The following POLK variants were observed in gnomAD, a reference collection of about 807,000 sequenced individuals.
The protein encoded by POLK is polymerase (DNA directed) kappa.
Under a neutral mutation model 94.0 loss-of-function variants are expected in POLK, and 76 were observed. That is an observed-to-expected ratio of 0.81 (90% CI 0.67 to 0.98). The LOEUF (loss-of-function observed/expected upper bound fraction) is 0.98. POLK is among the 50% of genes least tolerant of loss of function. POLK has a pLI of 0.00. For missense variants in POLK, 954 were observed against 1,010.1 expected, an observed-to-expected ratio of 0.94 and a Z score of 0.75; for synonymous variants, 349 against 325.4, an observed-to-expected ratio of 1.07 and a Z score of -0.78.
At position 75,511,921 on chromosome 5, in the gene POLK, A is replaced by T. The variant is rs1218853270; in HGVS notation, c.-14+7A>T. 20 of 1,200,138 alleles carry T rather than the reference A, an allele frequency of 1.7e-5. No individual in the cohort carries two copies. Among genetic ancestry groups the T allele is most frequent in the Non-Finnish European group, 2.3e-5 (20 of 859,722 alleles). The allele number at this position is 1,200,138 out of a possible 1,614,324, so 74.3% of individuals were successfully genotyped here. A position where few individuals can be genotyped will look rare whatever the true frequency, so the allele number is the denominator to read the frequency against. On this transcript the variant is annotated splice_region_variant and intron_variant, in intron 1 of 14. Coordinates refer to ENST00000241436, the Ensembl canonical transcript of POLK. Reference sequence around the variant, plus strand: ...CGCGATCCTGAGGTAACGGGTGAGTATCCCGCGCGGGGATCGCTTGTCCCC... The same window carrying T: ...CGCGATCCTGAGGTAACGGGTGAGTTTCCCGCGCGGGGATCGCTTGTCCCC...
chr5:75,530,810 C>CTT (rs1166307868), intron 1 of POLK, among the ~76,000 whole-genome samples: 4 of 133,812 alleles, frequency 3.0e-5, no homozygotes, highest in Admixed American at 1.5e-4. Flanking sequence ...CTTTTCTTTT[C>CTT]TTTTTTTTTT....
chr5:75,537,843 T>A (rs1769526162), intron 1 of POLK, among the ~76,000 whole-genome samples: 1 of 152,102 alleles, frequency 6.6e-6, no homozygotes, highest in African/African-American at 2.4e-5. Context: ...TTGTTTTTTT[T>A]ATTTTTTTAT....
At chr5:75,568,175 A>C (rs559112505) in intron 3 of POLK, among the ~76,000 whole-genome samples, 26 of 152,282 alleles carry the variant, frequency 1.7e-4, no homozygotes, top group Admixed American at 1.6e-3. Flanking sequence ...TTTTTCTCTC[A>C]GTTTTTAATG....
chr5:75,572,327 C>G (rs892397166), intron 4 of POLK, among the ~76,000 whole-genome samples: 1 of 152,074 alleles, frequency 6.6e-6, no homozygotes, highest in African/African-American at 2.4e-5. Context: ...AATTTCTAAA[C>G]TTATTTTAAG....
downstream of POLK, among the ~76,000 whole-genome samples, chr5:75,604,127 A>T (rs1023422493): frequency 1.3e-5 from 2 of 152,256 alleles, no homozygotes; most frequent in African/African-American, 4.8e-5. Context: ...CTGGGAAGAC[A>T]GAATGGTGGC....
At chr5:75,532,115 CA>C (rs1769210875) in intron 1 of POLK, among the ~76,000 whole-genome samples, 1 of 152,134 alleles carries the variant, frequency 6.6e-6, no homozygotes, top group Non-Finnish European at 1.5e-5. Flanking sequence ...ATTTTAGGTT[CA>C]GGGGTACATG....
intron 1 of POLK, among the ~76,000 whole-genome samples, chr5:75,522,066 A>T (rs914143867): frequency 6.6e-6 from 1 of 152,240 alleles, no homozygotes; most frequent in Non-Finnish European, 1.5e-5. Context: ...TGCCTTCCCC[A>T]TCTGTCTCTG....
At chr5:75,514,948 T>G (rs1403417999) in intron 1 of POLK, among the ~76,000 whole-genome samples, 3 of 152,226 alleles carry the variant, frequency 2.0e-5, no homozygotes, top group African/African-American at 7.2e-5. Flanking sequence ...CCAGATAGAT[T>G]ACATTCTAGG....
At chr5:75,565,159 G>A (rs1042044263) in intron 3 of POLK, among the ~76,000 whole-genome samples, 3 of 151,622 alleles carry the variant, frequency 2.0e-5, no homozygotes, top group East Asian at 1.9e-4. Flanking sequence ...CCTTTCTTCC[G>A]CTTGATCAAT....
chr5:75,520,952 C>T (rs1391480618), intron 1 of POLK, among the ~76,000 whole-genome samples: 1 of 152,158 alleles, frequency 6.6e-6, no homozygotes, highest in Non-Finnish European at 1.5e-5. Context: ...TCTCTCCTGG[C>T]TTATTTGGTT....
chr5:75,545,661 G>GT (rs200217837), intron 1 of POLK, among the ~76,000 whole-genome samples: 4,931 of 151,226 alleles, frequency 0.033, 266 homozygotes, highest in African/African-American at 0.11. Flanking sequence ...AACTTTCTAG[G>GT]TTTTTTTTTC....
At chr5:75,592,060 A>G (rs1021401743) in intron 11 of POLK, among the ~76,000 whole-genome samples, 3 of 152,204 alleles carry the variant, frequency 2.0e-5, no homozygotes, top group Non-Finnish European at 2.9e-5. Flanking sequence ...CCTCCAGGGG[A>G]TACTAAAATA....
intron 7 of POLK, 89 bp downstream of exon 7, chr5:75,581,537 T>G: frequency 9.0e-7 from 1 of 1,112,718 alleles, no homozygotes; most frequent in Non-Finnish European, 1.3e-6. Flanking sequence ...CATTATAAAG[T>G]ATATAGTAAC....
chr5:75,575,256 C>T (rs1313601381), intron 5 of POLK, among the ~76,000 whole-genome samples: 1 of 152,220 alleles, frequency 6.6e-6, no homozygotes, highest in African/African-American at 2.4e-5. Flanking sequence ...TCATACCTCA[C>T]TATAACCTTA....
chr5:75,605,151 ACACACACT>A (rs775633184), downstream of POLK, among the ~76,000 whole-genome samples: 1 of 146,630 alleles, frequency 6.8e-6, no homozygotes, highest in Non-Finnish European at 1.5e-5. Flanking sequence ...ACACACACAC[ACACACACT>A]ACCTCTGCCA....
chr5:75,590,187 A>G (rs1375561546), intron 10 of POLK, among the ~76,000 whole-genome samples, 157 bp from the exon 11 acceptor site: 1 of 152,150 alleles, frequency 6.6e-6, no homozygotes, highest in African/African-American at 2.4e-5. Context: ...TAGATCTTAG[A>G]TGTTTTTACT....
intron 1 of POLK, among the ~76,000 whole-genome samples, chr5:75,538,832 G>A (rs73120849): frequency 0.056 from 8,564 of 151,998 alleles, 500 homozygotes; most frequent in African/African-American, 0.14. Context: ...ATGTAGCGGC[G>A]CGACATCAGC....
At chr5:75,601,229 T>C (rs1044606761), downstream of POLK, 8 of 152,178 alleles carry the variant, frequency 5.3e-5, no homozygotes, top group Admixed American at 4.6e-4. Context: ...TTTTTTCTTC[T>C]AGAACCTTGC....
chr5:75,596,230 A>G (rs756237214), exon 13 of POLK: 3 of 1,570,724 alleles, frequency 1.9e-6, no homozygotes, highest in Non-Finnish European at 2.6e-6. Context: ...AGGTGTTCGG[A>G]TATCTAGTTT....
Sources: gnomAD v4.1 joint callset for allele counts (sites outside exome capture counted in the v4.1 genomes callset) on GRCh38, gnomAD v4.1.1 for gene constraint, MANE v1.5 for transcripts, NCBI Gene and HGNC (gene_info 2026-07-23, HGNC 2026-07-21) for gene names.